Variants in MTX2 observed in about 807,000 individuals in gnomAD.
MTX2 encodes metaxin 2.
A neutral mutation model predicts 42.3 loss-of-function variants in MTX2; 35 were observed. That is an observed-to-expected ratio of 0.83 (90% CI 0.63 to 1.10). The LOEUF (loss-of-function observed/expected upper bound fraction) is 1.10. MTX2 is among the 50% of genes least tolerant of loss of function. The pLI, the probability that MTX2 is intolerant of heterozygous loss-of-function variation, is 0.00. For synonymous variants in MTX2, 119 were observed against 100.9 expected (o/e 1.18, Z -1.08); for missense variants, 307 against 304.1 (o/e 1.01, Z -0.07).
At chr2:176,274,294 C>T (rs1189058300) in intron 1 of MTX2, among the ~76,000 whole-genome samples, 1 of 152,106 alleles carries the variant, frequency 6.6e-6, no homozygotes, top group East Asian at 1.9e-4. Context: ...ATTTCATTCT[C>T]TTTCCCTGAA....
intron 1 of MTX2, among the ~76,000 whole-genome samples, chr2:176,291,804 A>G (rs900786053): frequency 1.3e-5 from 2 of 152,098 alleles, no homozygotes; most frequent in African/African-American, 4.8e-5. Flanking sequence ...ACAATACCAT[A>G]GGAGGATAAA....
intron 3 of MTX2, among the ~76,000 whole-genome samples, chr2:176,321,687 TC>T (rs1369722025): frequency 2.0e-5 from 3 of 152,130 alleles, no homozygotes; most frequent in African/African-American, 7.2e-5. Context: ...GGAGATACTT[TC>T]TCCTTTTAAA....
intron 8 of MTX2, among the ~76,000 whole-genome samples, chr2:176,329,945 A>T (rs891537031): frequency 6.6e-6 from 1 of 150,880 alleles, no homozygotes; most frequent in Non-Finnish European, 1.5e-5. Flanking sequence ...TTTTGCTACT[A>T]AAGTAGCAAA....
chr2:176,275,241 A>AT (rs200488729), intron 1 of MTX2, among the ~76,000 whole-genome samples: 2,330 of 145,332 alleles, frequency 0.016, 55 homozygotes, highest in African/African-American at 0.049. Flanking sequence ...TGGATTTAGA[A>AT]TTTTTTTTTT....
intron 3 of MTX2, among the ~76,000 whole-genome samples, chr2:176,312,789 G>C (rs1396073510): frequency 6.7e-6 from 1 of 150,370 alleles, no homozygotes; most frequent in Non-Finnish European, 1.5e-5. Context: ...CTTGAATCTG[G>C]GAGGCGGAGG....
At chr2:176,277,851 A>T (rs1692984313) in intron 1 of MTX2, among the ~76,000 whole-genome samples, 1 of 152,104 alleles carries the variant, frequency 6.6e-6, no homozygotes, top group Non-Finnish European at 1.5e-5. Flanking sequence ...AAAACATATT[A>T]GTCATATGAA....
intron 1 of MTX2, among the ~76,000 whole-genome samples, chr2:176,280,649 T>G (rs139631907): frequency 1.4e-3 from 215 of 152,322 alleles, no homozygotes; most frequent in African/African-American, 4.9e-3. Context: ...TCGAGTTCCT[T>G]AAGGAGGCAA....
chr2:176,280,413 G>C (rs190000131), intron 1 of MTX2, among the ~76,000 whole-genome samples: 1 of 152,308 alleles, frequency 6.6e-6, no homozygotes, highest in African/African-American at 2.4e-5. Flanking sequence ...ACTATCAAAA[G>C]TCTTAACTGG....
At chr2:176,330,504 T>C (rs1684836728) in intron 8 of MTX2, 80 bp from the exon 9 acceptor site, 1 of 963,052 alleles carries the variant, frequency 1.0e-6, no homozygotes, top group Non-Finnish European at 1.5e-6. Context: ...TTATAAACTG[T>C]GATACAAGTT....
intron 8 of MTX2, among the ~76,000 whole-genome samples, chr2:176,329,762 C>T (rs1684809411): frequency 6.7e-6 from 1 of 148,756 alleles, no homozygotes; most frequent in South Asian, 2.1e-4. Context: ...ACTGTATAAC[C>T]TGAGGGTTTT....
At position 176,269,628 on chromosome 2, in the gene MTX2, A is replaced by G; in HGVS notation, c.-2A>G. The stretch of plus-strand genomic sequence containing the variant: ...ACCCGGGCGCCGGGCCTCCCAGCCG[A>G]CATGTCTCTAGTGGCGGAAGCCTTC... On this transcript the variant is annotated 5_prime_UTR_variant, in exon 1 of 10. Transcript: ENST00000249442. 3 of 1,593,712 alleles carry G rather than the reference A, an allele frequency of 1.9e-6. No homozygotes were observed. The highest frequency in any genetic ancestry group is 2.6e-6 in the Non-Finnish European group (3 of 1,173,036).
chr2:176,331,281 G>A lies in MTX2; in HGVS notation c.620+621G>A, dbSNP rs79311168. On this transcript the variant is annotated intron_variant, in intron 9 of 9. Coordinates refer to ENST00000249442, the MANE Select transcript of MTX2 (RefSeq NM_006554.5). Reference sequence around the variant, plus strand: ...AATGAAGGCAAAGAATGAATTTTCCGTTGTTAAAAAATTACAATTTTAATA... The same window carrying A: ...AATGAAGGCAAAGAATGAATTTTCCATTGTTAAAAAATTACAATTTTAATA... 9.6e-3 allele frequency among the ~76,000 whole-genome samples: 1,447 copies of A among 151,128 alleles called. 12 individuals are homozygous for A. Among genetic ancestry groups the A allele is most frequent in the Non-Finnish European group, 0.014 (929 of 67,238 alleles).
intron 1 of MTX2, chr2:176,270,457 A>C: frequency 3.9e-6 from 5 of 1,287,498 alleles, no homozygotes; most frequent in Non-Finnish European, 5.2e-6. Flanking sequence ...TATTTATTGT[A>C]ATGAAAGAAA....
chr2:176,307,562 G>A (rs956305414), intron 3 of MTX2, among the ~76,000 whole-genome samples: 4 of 152,042 alleles, frequency 2.6e-5, no homozygotes, highest in African/African-American at 9.7e-5. Flanking sequence ...ATTTGTTTGT[G>A]TCCTCTTTTA....
At chr2:176,328,768 G>C in intron 6 of MTX2, 106 bp from the exon 7 acceptor site, 1 of 1,023,840 alleles carries the variant, frequency 9.8e-7, no homozygotes, top group Non-Finnish European at 1.5e-6. Context: ...CTACATGTGT[G>C]ACTTATGAAA....
intron 5 of MTX2, among the ~76,000 whole-genome samples, chr2:176,327,198 A>G (rs1684728770): frequency 1.3e-5 from 2 of 151,266 alleles, no homozygotes; most frequent in African/African-American, 2.4e-5. Flanking sequence ...GCTTACTACA[A>G]CTGTGGTCAT....
chr2:176,333,365 T>TA (rs1417858520), intron 9 of MTX2, among the ~76,000 whole-genome samples: 1 of 151,684 alleles, frequency 6.6e-6, no homozygotes, highest in Non-Finnish European at 1.5e-5. Context: ...AAATACTGGA[T>TA]AAAATATGTT....
chr2:176,333,817 T>G (rs1524080), intron 9 of MTX2, among the ~76,000 whole-genome samples: 83,217 of 150,798 alleles, frequency 0.55, 23,014 homozygotes, highest in Admixed American at 0.64. Context: ...TACAGTATTC[T>G]GTTTGGCAAT....
At chr2:176,270,331 C>T (rs570538906) in intron 1 of MTX2, 50 of 1,347,398 alleles carry the variant, frequency 3.7e-5, no homozygotes, top group African/African-American at 3.3e-4. Flanking sequence ...CCACCACGCC[C>T]GCGCGGATTC....
Sources: allele counts gnomAD v4.1 joint callset (sites outside exome capture counted in the v4.1 genomes callset), GRCh38; gene constraint gnomAD v4.1.1; transcripts MANE v1.5; gene names NCBI Gene and HGNC (gene_info 2026-07-23, HGNC 2026-07-21).